The following DENND2C variants were observed in gnomAD, a reference collection of about 807,000 sequenced individuals.
DENND2C encodes the protein DENN domain-containing protein 2C.
Under a neutral mutation model 112.4 loss-of-function variants are expected in DENND2C, and 72 were observed. The ratio of observed to expected loss-of-function variants is 0.64; its 90% CI spans 0.53 to 0.78. The LOEUF is 0.78. Among genes scored for constraint, DENND2C ranks in the 30% least tolerant of loss-of-function variants. The pLI, the probability that DENND2C is intolerant of heterozygous loss-of-function variation, is 0.00. For synonymous variants in DENND2C, 329 were observed against 381.6 expected (o/e 0.86, Z 1.61); for missense variants, 992 against 1,113.8 (o/e 0.89, Z 1.56).
At chr1:114,659,812 C>G (rs1470042019) in intron 1 of DENND2C, among the ~76,000 whole-genome samples, 1 of 129,004 alleles carries the variant, frequency 7.8e-6, no homozygotes, top group African/African-American at 2.9e-5. Flanking sequence ...TTCCTTCCTT[C>G]CCAAGGTCTT....
At chr1:114,639,495 T>C (rs1468484980) in intron 3 of DENND2C, among the ~76,000 whole-genome samples, 2 of 151,576 alleles carry the variant, frequency 1.3e-5, no homozygotes, top group Non-Finnish European at 2.9e-5. Context: ...GGCAGGAGAA[T>C]TGCTTGAACC....
chr1:114,584,307 T>G lies in DENND2C; in HGVS notation c.*1293A>C, dbSNP rs1654983594. ...TTTTTTTTGAGATGGAGTCTCGCTC[T>G]GTCACCCTGGCTGGAATGCAGTGGC... On this transcript the variant is annotated 3_prime_UTR_variant, in exon 21 of 21. Coordinates refer to ENST00000393274, the MANE Select transcript of DENND2C (RefSeq NM_001256404.2). 1 of 152,258 alleles carries G rather than the reference T, an allele frequency of 6.6e-6. No individual in the cohort carries two copies. The highest frequency in any genetic ancestry group is 6.6e-5 in the Admixed American group (1 of 15,260). 9.4% of individuals were successfully genotyped at this position (152,258 alleles called of 1,614,324 possible). A position where few individuals can be genotyped will look rare whatever the true frequency, so the allele number is the denominator to read the frequency against.
At chr1:114,658,755 G>C (rs977751754) in intron 1 of DENND2C, among the ~76,000 whole-genome samples, 1 of 151,908 alleles carries the variant, frequency 6.6e-6, no homozygotes, top group African/African-American at 2.4e-5. Flanking sequence ...CAAAAGAATG[G>C]CAGTACTACT....
At chr1:114,629,759 T>G (rs971480454) in intron 3 of DENND2C, among the ~76,000 whole-genome samples, 1 of 152,232 alleles carries the variant, frequency 6.6e-6, no homozygotes, top group African/African-American at 2.4e-5. Flanking sequence ...TAGAATTCTG[T>G]GTTTTTAACA....
intron 3 of DENND2C, among the ~76,000 whole-genome samples, chr1:114,632,990 A>AT (rs1285092023): frequency 6.6e-6 from 1 of 152,126 alleles, no homozygotes; most frequent in Non-Finnish European, 1.5e-5. Context: ...TACAAGGCAT[A>AT]TTTTTTTATT....
intron 1 of DENND2C, among the ~76,000 whole-genome samples, chr1:114,656,809 T>C (rs1207445283): frequency 6.6e-6 from 1 of 152,096 alleles, no homozygotes; most frequent in African/African-American, 2.4e-5. Flanking sequence ...TGGAACGCAG[T>C]GGTGCAGTCT....
At chr1:114,637,958 T>C (rs1481026719) in intron 3 of DENND2C, among the ~76,000 whole-genome samples, 1 of 152,176 alleles carries the variant, frequency 6.6e-6, no homozygotes, top group African/African-American at 2.4e-5. Context: ...TTTTCAAGTT[T>C]ATAAGGAAAG....
intron 18 of DENND2C, among the ~76,000 whole-genome samples, chr1:114,591,390 G>A (rs568827901): frequency 1.2e-4 from 19 of 152,144 alleles, no homozygotes; most frequent in Admixed American, 9.8e-4. Flanking sequence ...TTATTTATGG[G>A]CTTATCATGT....
intron 1 of DENND2C, among the ~76,000 whole-genome samples, chr1:114,663,620 G>A (rs1310133741): frequency 2.6e-5 from 4 of 152,112 alleles, no homozygotes; most frequent in Non-Finnish European, 4.4e-5. Flanking sequence ...CTACCTGTGG[G>A]CCAAATTTGG....
At chr1:114,629,525 C>T (rs912254251) in intron 3 of DENND2C, among the ~76,000 whole-genome samples, 2 of 152,114 alleles carry the variant, frequency 1.3e-5, no homozygotes, top group Non-Finnish European at 2.9e-5. Flanking sequence ...GTGATCCACC[C>T]GCCTTAGCCT....
intron 1 of DENND2C, among the ~76,000 whole-genome samples, chr1:114,656,312 G>A (rs1657325300): frequency 6.6e-6 from 1 of 151,926 alleles, no homozygotes; most frequent in South Asian, 2.1e-4. Context: ...GGCCTCAAGC[G>A]ATCCTCCTGC....
rs755630722 is a variant in DENND2C, at chr1:114,618,469, A to G, written c.1241T>C (p.Ile414Thr). The change falls in exon 8 of 21, where the codon ATA becomes ACA. Residue 414 changes from isoleucine to threonine, a missense_variant. By Grantham distance (89) the Ile-to-Thr change is moderately conservative. Around this residue, in one of 3 missense-constraint regions of DENND2C, gnomAD observed 6 missense variants for 17.5 expected, o/e 0.34. Transcript: ENST00000393274. ...RKNLPRLVLK[I>T]DDIFESKRGK... ...TCTTTTAGATTCAAATATGTCATCT[A>G]TTTTCAATACAAGCTGAAAAAAGAC... is the stretch of plus-strand genomic sequence containing the variant. 3 of 1,576,376 alleles carry G rather than the reference A, an allele frequency of 1.9e-6. No homozygotes were observed. Among genetic ancestry groups the G allele is most frequent in the South Asian group, 1.2e-5 (1 of 85,380 alleles).
intron 2 of DENND2C, among the ~76,000 whole-genome samples, chr1:114,649,377 G>C (rs1280688535): frequency 2.6e-5 from 4 of 151,948 alleles, no homozygotes; most frequent in African/African-American, 9.7e-5. Context: ...TGTTTTCCTA[G>C]TGTTTTTGTT....
intron 3 of DENND2C, among the ~76,000 whole-genome samples, chr1:114,640,343 T>C (rs1243060538): frequency 6.6e-6 from 1 of 152,232 alleles, no homozygotes; most frequent in Non-Finnish European, 1.5e-5. Flanking sequence ...TGCTAGTCAC[T>C]AGCCCGAGAG....
chr1:114,616,397 GAAAAA>G (rs879864808), intron 8 of DENND2C, among the ~76,000 whole-genome samples: 1 of 119,538 alleles, frequency 8.4e-6, no homozygotes, highest in Non-Finnish European at 1.8e-5. Context: ...GTATCCAAAA[GAAAAA>G]AAAAAAAGAA....
chr1:114,614,663 A>G (rs1655906295), intron 8 of DENND2C, among the ~76,000 whole-genome samples: 1 of 152,216 alleles, frequency 6.6e-6, no homozygotes, highest in South Asian at 2.1e-4. Flanking sequence ...ATTTACTACA[A>G]TGTTCCTAAT....
rs188683009 is a variant in DENND2C at position 114,655,309 on chromosome 1, A to G, written c.-573-548T>C. Among the ~76,000 whole-genome samples, 51 of 152,326 alleles carry G rather than the reference A, an allele frequency of 3.3e-4. 1 individual carries two copies. The highest frequency in any genetic ancestry group is 6.2e-4 in the Non-Finnish European group (42 of 68,032). ...CAAAATAAAATATAAGCACACTCAC[A>G]GGACATTTATATATGATTAAAGGCA... On this transcript the variant is annotated intron_variant, in intron 1 of 20. Coordinates refer to ENST00000393274, the MANE Select transcript of DENND2C (RefSeq NM_001256404.2).
At chr1:114,619,847 C>G (rs1378680287) in intron 7 of DENND2C, among the ~76,000 whole-genome samples, 1 of 152,010 alleles carries the variant, frequency 6.6e-6, no homozygotes, top group Non-Finnish European at 1.5e-5. Context: ...TAAAACTATG[C>G]GATAAAGTGA....
chr1:114,592,396 T>G (rs1655218908), intron 18 of DENND2C, among the ~76,000 whole-genome samples: 1 of 152,192 alleles, frequency 6.6e-6, no homozygotes, highest in Admixed American at 6.5e-5. Flanking sequence ...TTGAGTGCCT[T>G]GGCTATTCTT....
Sources: allele counts gnomAD v4.1 joint callset (sites outside exome capture counted in the v4.1 genomes callset), GRCh38; gene constraint gnomAD v4.1.1; regional missense constraint gnomAD v4.1.1; transcripts MANE v1.5; gene names NCBI Gene and HGNC (gene_info 2026-07-23, HGNC 2026-07-21).